DNAI1: variants seen among roughly 807,000 people sequenced by gnomAD.
DNAI1 encodes the protein dynein, axonemal, intermediate polypeptide 1.
Under a neutral mutation model 92.0 loss-of-function variants are expected in DNAI1, and 67 were observed. The observed-to-expected ratio is 0.73, with a 90% CI of 0.60 to 0.89. DNAI1 has a LOEUF of 0.89. Among genes scored for constraint, DNAI1 ranks in the 40% least tolerant of loss-of-function variants. The pLI is 0.00. For missense variants in DNAI1, 839 were observed against 866.6 expected, an observed-to-expected ratio of 0.97 and a Z score of 0.40; for synonymous variants, 323 against 319.6, an observed-to-expected ratio of 1.01 and a Z score of -0.11.
chr9:34,511,406 G>A (rs1215156406), intron 13 of DNAI1, among the ~76,000 whole-genome samples: 1 of 152,170 alleles, frequency 6.6e-6, no homozygotes, highest in African/African-American at 2.4e-5. Flanking sequence ...AAAGTTCTGG[G>A]AGCAGGAGTT....
chr9:34,475,235 T>C (rs1824215709), intron 1 of DNAI1, among the ~76,000 whole-genome samples: 1 of 152,180 alleles, frequency 6.6e-6, no homozygotes, highest in South Asian at 2.1e-4. Flanking sequence ...AGGTATTTAG[T>C]TTCAATTTAG....
At chr9:34,482,327 T>A (rs1195991673) in intron 1 of DNAI1, among the ~76,000 whole-genome samples, 6 of 150,426 alleles carry the variant, frequency 4.0e-5, no homozygotes, top group Admixed American at 6.6e-5. Context: ...AACCTTGAGC[T>A]AAACACAGGG....
intron 16 of DNAI1, among the ~76,000 whole-genome samples, chr9:34,513,977 G>T (rs1825122476): frequency 6.6e-6 from 1 of 152,216 alleles, no homozygotes; most frequent in African/African-American, 2.4e-5. Flanking sequence ...TATCACTGTT[G>T]CAAGGATGAT....
chr9:34,462,144 A>G (rs977524691), intron 1 of DNAI1, among the ~76,000 whole-genome samples: 2 of 152,158 alleles, frequency 1.3e-5, no homozygotes, highest in African/African-American at 4.8e-5. Context: ...TTTGCTTGGT[A>G]TGGCCTTTGC....
intron 1 of DNAI1, among the ~76,000 whole-genome samples, chr9:34,473,619 C>A (rs142526969): frequency 1.9e-3 from 287 of 152,248 alleles, no homozygotes; most frequent in South Asian, 4.1e-3. Context: ...TATGCATTAC[C>A]TAGCATATTT....
chr9:34,492,475 T>G (rs1587072592), intron 8 of DNAI1, among the ~76,000 whole-genome samples: 6 of 113,824 alleles, frequency 5.3e-5, no homozygotes, highest in African/African-American at 1.3e-4. Context: ...ATGTCCGGGG[T>G]GGGGGTGGGG....
At chr9:34,460,272 T>C (rs1823924629) in intron 1 of DNAI1, among the ~76,000 whole-genome samples, 1 of 152,194 alleles carries the variant, frequency 6.6e-6, no homozygotes, top group South Asian at 2.1e-4. Context: ...TCAGGAACTT[T>C]TTCCAAACCC....
chr9:34,469,703 G>C (rs1460167502), intron 1 of DNAI1, among the ~76,000 whole-genome samples: 2 of 152,072 alleles, frequency 1.3e-5, no homozygotes, highest in African/African-American at 4.8e-5. Context: ...TCAGCCTCCT[G>C]AGTAGCTGGG....
intron 1 of DNAI1, among the ~76,000 whole-genome samples, chr9:34,479,872 G>A (rs1290225589): frequency 6.6e-6 from 1 of 152,102 alleles, no homozygotes. Flanking sequence ...CTCTTTCCCT[G>A]GAATTCCTTT....
chr9:34,497,304 CG>C, intron 10 of DNAI1, 105 bp downstream of exon 10: 2 of 863,352 alleles, frequency 2.3e-6, no homozygotes, highest in Non-Finnish European at 3.9e-6. Flanking sequence ...TAGGTGCAAG[CG>C]GAGAAAAAAT....
At chr9:34,502,485 G>C (rs1287867855) in intron 12 of DNAI1, among the ~76,000 whole-genome samples, 1 of 152,130 alleles carries the variant, frequency 6.6e-6, no homozygotes, top group African/African-American at 2.4e-5. Context: ...GGGGTGTAGG[G>C]GTTGCTCCTC....
chr9:34,478,232 G>A (rs182418996), intron 1 of DNAI1, among the ~76,000 whole-genome samples: 12 of 152,226 alleles, frequency 7.9e-5, no homozygotes, highest in Admixed American at 7.2e-4. Context: ...GTAGATTTGA[G>A]CTTTATCATA....
At chr9:34,520,628 C>G (rs570519188) in intron 19 of DNAI1, 30 bp from the exon 20 acceptor site, 1 of 1,546,834 alleles carries the variant, frequency 6.5e-7, no homozygotes, top group Non-Finnish European at 8.7e-7. Flanking sequence ...CCCACCATTC[C>G]TCCCTCATGT....
At chr9:34,496,229 A>C (rs886623036) in intron 9 of DNAI1, among the ~76,000 whole-genome samples, 1 of 152,194 alleles carries the variant, frequency 6.6e-6, no homozygotes, top group Non-Finnish European at 1.5e-5. Flanking sequence ...ATAGGAGTGC[A>C]GGTCTGTGCG....
Position 34,497,216 on chromosome 9 carries a change from T to C in DNAI1, c.901+17T>C, listed in dbSNP as rs1587076874. The C allele has an allele frequency of 6.3e-7, 1 of 1,595,812 alleles. No individual in the cohort carries two copies. The highest frequency in any genetic ancestry group is 2.2e-5 in the East Asian group (1 of 44,810). On this transcript the variant is annotated intron_variant, in intron 10 of 19. Coordinates refer to ENST00000242317, the MANE Select transcript of DNAI1 (RefSeq NM_012144.4). The stretch of plus-strand genomic sequence containing the variant: ...TTGCTCAAGGTAAGAGTTGAAGTTC[T>C]GGCAACCACTATTATTGCCTGTATT...
chr9:34,502,290 G>A (rs1235567523), intron 12 of DNAI1, among the ~76,000 whole-genome samples: 1 of 152,176 alleles, frequency 6.6e-6, no homozygotes, highest in African/African-American at 2.4e-5. Context: ...CTGAGGGTGG[G>A]CTGCTGCCAA....
intron 1 of DNAI1, among the ~76,000 whole-genome samples, chr9:34,462,152 T>C (rs1157220422): frequency 6.6e-6 from 1 of 152,342 alleles, no homozygotes; most frequent in East Asian, 1.9e-4. Flanking sequence ...GTATGGCCTT[T>C]GCCACCCTGC....
At chr9:34,489,907 C>T (rs1417006163) in intron 5 of DNAI1, 105 bp from the exon 6 acceptor site, 2 of 1,529,932 alleles carry the variant, frequency 1.3e-6, no homozygotes, top group South Asian at 1.2e-5. Flanking sequence ...TAACCCATGA[C>T]ACTCAGGCCA....
chr9:34,508,778 G>A (rs1028659375), intron 13 of DNAI1, among the ~76,000 whole-genome samples: 4 of 152,266 alleles, frequency 2.6e-5, no homozygotes, highest in African/African-American at 7.2e-5. Context: ...TATTGCTTTC[G>A]CTGAGCAGGT....
Sources: gnomAD v4.1 joint callset for allele counts (sites outside exome capture counted in the v4.1 genomes callset) on GRCh38, gnomAD v4.1.1 for gene constraint, MANE v1.5 for transcripts, NCBI Gene and HGNC (gene_info 2026-07-23, HGNC 2026-07-21) for gene names.